The following SPMIP4 variants were observed in gnomAD, a reference collection of about 807,000 sequenced individuals.
SPMIP4 encodes the protein sperm-associated microtubule inner protein 4.
At chr7:25,172,724 A>C in the SPMIP4 span, among the ~76,000 whole-genome samples, 40 of 152,174 alleles carry the variant, frequency 2.6e-4, no homozygotes, top group Non-Finnish European at 5.3e-4. This position sits in a 1 kb window ranked among gnomAD's most constrained non-coding sequence, Gnocchi z 4.2. Flanking sequence ...GAATTCCACA[A>C]GGCATGGAGT....
the SPMIP4 span, among the ~76,000 whole-genome samples, chr7:25,141,707 G>A: frequency 1.2e-5 from 1 of 85,810 alleles, no homozygotes; most frequent in Non-Finnish European, 2.9e-5. Context: ...TAGAAAATCT[G>A]TTAAAAAAAA....
At chr7:25,127,808 G>T in the SPMIP4 span, among the ~76,000 whole-genome samples, 2 of 152,072 alleles carry the variant, frequency 1.3e-5, no homozygotes, top group Non-Finnish European at 2.9e-5. Context: ...TCACAGTCTG[G>T]GCTTTTTATT....
chr7:25,176,104 G>A, the SPMIP4 span, among the ~76,000 whole-genome samples: 1 of 152,098 alleles, frequency 6.6e-6, no homozygotes, highest in Non-Finnish European at 1.5e-5. The surrounding 1 kb of genome is among the most constrained non-coding windows in gnomAD (Gnocchi z 4.4). Flanking sequence ...TTTATAGTTG[G>A]CCATATATCG....
the SPMIP4 span, among the ~76,000 whole-genome samples, chr7:25,169,207 T>C: frequency 6.6e-6 from 1 of 151,992 alleles, no homozygotes; most frequent in Non-Finnish European, 1.5e-5. Context: ...CTGGGCAACA[T>C]AGCAAGACCC....
At chr7:25,172,332 G>C in the SPMIP4 span, among the ~76,000 whole-genome samples, 1 of 152,178 alleles carries the variant, frequency 6.6e-6, no homozygotes, top group African/African-American at 2.4e-5. This position sits in a 1 kb window ranked among gnomAD's most constrained non-coding sequence, Gnocchi z 4.2. Flanking sequence ...GGGAGTAAGG[G>C]AAGAGGGAGA....
At chr7:25,165,475 C>T in the SPMIP4 span, among the ~76,000 whole-genome samples, 20 of 152,102 alleles carry the variant, frequency 1.3e-4, no homozygotes, top group African/African-American at 3.6e-4. Context: ...TTTTTTTAGA[C>T]GGAGTCTCAC....
At chr7:25,153,053 T>C in the SPMIP4 span, among the ~76,000 whole-genome samples, 2 of 152,046 alleles carry the variant, frequency 1.3e-5, no homozygotes, top group Non-Finnish European at 2.9e-5. Context: ...CCATGCTTCT[T>C]AGTTCTAATA....
At chr7:25,126,107 T>C in the SPMIP4 span, 4 of 187,030 alleles carry the variant, frequency 2.1e-5, no homozygotes, top group Non-Finnish European at 3.0e-5. Flanking sequence ...AGGCATACAA[T>C]GTATAATAAT....
the SPMIP4 span, chr7:25,142,341 A>T: frequency 3.2e-6 from 5 of 1,555,734 alleles, no homozygotes; most frequent in Non-Finnish European, 4.4e-6. Context: ...ACCTTAATGG[A>T]AACATCACCT....
the SPMIP4 span, among the ~76,000 whole-genome samples, chr7:25,140,852 G>A: frequency 6.6e-6 from 1 of 152,180 alleles, no homozygotes; most frequent in Non-Finnish European, 1.5e-5. Flanking sequence ...CTCCCAAAGT[G>A]CTAGGATTAC....
chr7:25,175,255 G>A, the SPMIP4 span, among the ~76,000 whole-genome samples: 1 of 151,942 alleles, frequency 6.6e-6, no homozygotes, highest in Admixed American at 6.6e-5. Flanking sequence ...TTTTTGTATT[G>A]TTTTATTTTG....
At chr7:25,169,319 C>A in the SPMIP4 span, among the ~76,000 whole-genome samples, 1 of 152,146 alleles carries the variant, frequency 6.6e-6, no homozygotes, top group East Asian at 1.9e-4. Context: ...CCACAGTCAA[C>A]TTTACAGCAT....
the SPMIP4 span, chr7:25,155,186 G>A: frequency 6.5e-7 from 1 of 1,541,348 alleles, no homozygotes. Flanking sequence ...ATGGCAAGCA[G>A]ATCTCTCTAA....
chr7:25,157,144 A>G, the SPMIP4 span, among the ~76,000 whole-genome samples: 1 of 152,238 alleles, frequency 6.6e-6, no homozygotes, highest in Admixed American at 6.5e-5. Context: ...CTCATTGCCA[A>G]TCTTAGTAAC....
chr7:25,153,803 A>G, the SPMIP4 span, among the ~76,000 whole-genome samples: 2 of 152,204 alleles, frequency 1.3e-5, no homozygotes, highest in East Asian at 3.8e-4. Context: ...CTTCTGCTAT[A>G]GAGCTAAGCA....
the SPMIP4 span, chr7:25,168,164 G>T: frequency 6.4e-6 from 5 of 778,240 alleles, no homozygotes; most frequent in Admixed American, 3.1e-5. Context: ...TTCATTCTGT[G>T]TCTTTTCATA....
At chr7:25,144,341 C>T in the SPMIP4 span, among the ~76,000 whole-genome samples, 2 of 152,230 alleles carry the variant, frequency 1.3e-5, no homozygotes, top group African/African-American at 2.4e-5. Flanking sequence ...TGGACTACTT[C>T]GAGTTCTGCA....
chr7:25,135,150 T>TA, the SPMIP4 span: 7 of 365,824 alleles, frequency 1.9e-5, no homozygotes, highest in Non-Finnish European at 2.7e-5. Flanking sequence ...GCCAAACTCT[T>TA]AGAGAACACA....
At chr7:25,139,753 A>G in the SPMIP4 span, among the ~76,000 whole-genome samples, 1 of 152,196 alleles carries the variant, frequency 6.6e-6, no homozygotes, top group Non-Finnish European at 1.5e-5. Flanking sequence ...ATCATATTGT[A>G]CTTTGACCAT....
Sources: gnomAD v4.1 joint callset for allele counts (sites outside exome capture counted in the v4.1 genomes callset) on GRCh38, gnomAD v4.1.1 for gene constraint, Gnocchi (gnomAD v3.1) non-coding constraint, MANE v1.5 for transcripts, NCBI Gene and HGNC (gene_info 2026-07-23, HGNC 2026-07-21) for gene names.